Variants in PTPRT observed in about 807,000 individuals in gnomAD.
PTPRT encodes receptor-type tyrosine-protein phosphatase T.
Under a neutral mutation model 176.8 loss-of-function variants are expected in PTPRT, and 56 were observed. That is an observed-to-expected ratio of 0.32 (90% CI 0.26 to 0.40). The LOEUF (loss-of-function observed/expected upper bound fraction) is 0.40, where lower values mean the gene tolerates loss of function less well. Among genes scored for constraint, PTPRT ranks in the 10% least tolerant of loss-of-function variants. The pLI, the probability that PTPRT is intolerant of heterozygous loss-of-function variation, is 1.00. For synonymous variants in PTPRT, 783 were observed against 739.0 expected, an observed-to-expected ratio of 1.06 and a Z score of -0.96; for missense variants, 1,540 against 1,908.2, an observed-to-expected ratio of 0.81 and a Z score of 3.60.
intron 7 of PTPRT, among the ~76,000 whole-genome samples, chr20:42,609,337 G>T (rs1356730400): frequency 6.6e-6 from 1 of 152,112 alleles, no homozygotes; most frequent in Non-Finnish European, 1.5e-5. Flanking sequence ...GCCTCCCAAA[G>T]TGCTGGGATT....
At chr20:43,155,643 T>C (rs552524668) in intron 1 of PTPRT, among the ~76,000 whole-genome samples, 2 of 152,166 alleles carry the variant, frequency 1.3e-5, no homozygotes, top group Non-Finnish European at 2.9e-5. Flanking sequence ...TGATGATAAA[T>C]TGTATTCTTG....
intron 9 of PTPRT, among the ~76,000 whole-genome samples, chr20:42,388,189 C>A (rs2058763602): frequency 6.6e-6 from 1 of 152,170 alleles, no homozygotes; most frequent in Non-Finnish European, 1.5e-5. Context: ...CGTGATATAG[C>A]AATACCATTC....
intron 1 of PTPRT, among the ~76,000 whole-genome samples, chr20:43,155,023 T>C (rs1274995223): frequency 1.3e-5 from 2 of 152,174 alleles, no homozygotes; most frequent in African/African-American, 2.4e-5. Context: ...TCCGTTAGAA[T>C]GGCTTTCATC....
At chr20:42,507,316 A>G (rs1378633857) in intron 7 of PTPRT, among the ~76,000 whole-genome samples, 1 of 152,150 alleles carries the variant, frequency 6.6e-6, no homozygotes, top group African/African-American at 2.4e-5. Context: ...AGCAGATGCC[A>G]GAGGAGGAGC....
chr20:42,610,620 A>C (rs2073960441), intron 7 of PTPRT, among the ~76,000 whole-genome samples: 1 of 152,086 alleles, frequency 6.6e-6, no homozygotes, highest in East Asian at 1.9e-4. Context: ...TTATATAAAT[A>C]AGTCACCTGC....
intron 11 of PTPRT, among the ~76,000 whole-genome samples, chr20:42,335,673 T>G (rs6030149): frequency 0.044 from 6,691 of 152,216 alleles, 411 homozygotes; most frequent in African/African-American, 0.14. Context: ...TTCTGTTTTG[T>G]TTTAGGAAAT....
At chr20:42,274,341 A>C (rs1032069526) in intron 13 of PTPRT, among the ~76,000 whole-genome samples, 5 of 152,168 alleles carry the variant, frequency 3.3e-5, no homozygotes, top group African/African-American at 1.2e-4. Context: ...GCACAGCAAC[A>C]AATATGCCTT....
At chr20:43,049,698 G>A (rs2208047) in intron 1 of PTPRT, among the ~76,000 whole-genome samples, 10,843 of 152,132 alleles carry the variant, frequency 0.071, 477 homozygotes, top group Middle Eastern at 0.14. Context: ...AGTATTTCCC[G>A]GGGAAATCAC....
intron 18 of PTPRT, among the ~76,000 whole-genome samples, chr20:42,129,804 A>C (rs139025241): frequency 6.6e-6 from 1 of 152,358 alleles, no homozygotes; most frequent in African/African-American, 2.4e-5. Flanking sequence ...TCTGCAGTTT[A>C]CAAGGCACAT....
rs190466398 is a variant in PTPRT, at chr20:43,066,897, G to C, written c.88+122749C>G. The stretch of plus-strand genomic sequence containing the variant: ...TCACATATTTTCTCTGGCACTTTTT[G>C]TGCTACAATGGCAGAGTTGATTAAT... On this transcript the variant is annotated intron_variant, in intron 1 of 30. Coordinates refer to ENST00000373187, the MANE Select transcript of PTPRT (RefSeq NM_007050.6). Among the ~76,000 whole-genome samples the C allele has an allele frequency of 1.5e-3, 221 of 152,286 alleles. 1 individual carries two copies. The highest frequency in any genetic ancestry group is 2.6e-3 in the Non-Finnish European group (179 of 68,008).
intron 12 of PTPRT, among the ~76,000 whole-genome samples, chr20:42,306,639 TGGGGGC>T (rs2057547894): frequency 1.3e-5 from 2 of 152,134 alleles, no homozygotes; most frequent in Non-Finnish European, 2.9e-5. Context: ...AACGGTTACG[TGGGGGC>T]CTCTGGGTCA....
At chr20:42,753,164 A>C (rs1319455986) in intron 6 of PTPRT, among the ~76,000 whole-genome samples, 1 of 152,138 alleles carries the variant, frequency 6.6e-6, no homozygotes, top group Admixed American at 6.5e-5. Context: ...GGTAACAGCA[A>C]GACCACAACC....
At chr20:42,318,398 A>G (rs2057751299) in intron 11 of PTPRT, among the ~76,000 whole-genome samples, 1 of 152,158 alleles carries the variant, frequency 6.6e-6, no homozygotes, top group South Asian at 2.1e-4. Context: ...AAATAACAAT[A>G]TATTCAGGTA....
At chr20:42,491,649 G>A (rs954619593) in intron 7 of PTPRT, among the ~76,000 whole-genome samples, 4 of 152,126 alleles carry the variant, frequency 2.6e-5, no homozygotes, top group East Asian at 1.9e-4. Flanking sequence ...AAGCAACAGC[G>A]TGCCATCTTG....
At chr20:43,007,498 A>G (rs1984912274) in intron 1 of PTPRT, among the ~76,000 whole-genome samples, 1 of 152,232 alleles carries the variant, frequency 6.6e-6, no homozygotes, top group Non-Finnish European at 1.5e-5. Flanking sequence ...TATGATTTAG[A>G]TAAAGATCTA....
chr20:42,625,121 T>C (rs2074266275), intron 7 of PTPRT, among the ~76,000 whole-genome samples: 1 of 152,170 alleles, frequency 6.6e-6, no homozygotes, highest in Non-Finnish European at 1.5e-5. Flanking sequence ...ATCAGTGGTC[T>C]GCAACTGCAG....
chr20:42,931,811 C>T (rs1489237874), intron 1 of PTPRT, among the ~76,000 whole-genome samples: 1 of 152,232 alleles, frequency 6.6e-6, no homozygotes, highest in Non-Finnish European at 1.5e-5. Flanking sequence ...AGACAACTTA[C>T]AGCTGGTTAG....
chr20:42,088,748 C>CAAAACCTG (rs1256650196), intron 27 of PTPRT, among the ~76,000 whole-genome samples: 2 of 152,182 alleles, frequency 1.3e-5, no homozygotes, highest in Non-Finnish European at 2.9e-5. Context: ...ATATAGCCTG[C>CAAAACCTG]AAAACCTGAA....
chr20:42,752,995 GGGTA>G (rs1205166962), intron 6 of PTPRT, among the ~76,000 whole-genome samples: 1 of 152,126 alleles, frequency 6.6e-6, no homozygotes, highest in Non-Finnish European at 1.5e-5. Flanking sequence ...CAGGGGGTGA[GGGTA>G]GGTTAAATGT....
Sources: allele counts gnomAD v4.1 joint callset (sites outside exome capture counted in the v4.1 genomes callset), GRCh38; gene constraint gnomAD v4.1.1; transcripts MANE v1.5; gene names NCBI Gene and HGNC (gene_info 2026-07-23, HGNC 2026-07-21).